Variants in SLC25A26 observed in about 807,000 individuals in gnomAD.
The protein encoded by SLC25A26 is mitochondrial S-adenosylmethionine carrier protein.
In SLC25A26, 36 loss-of-function variants were observed where a neutral mutation model predicts 37.8. That is an observed-to-expected ratio of 0.95 (90% CI 0.73 to 1.26). The LOEUF is 1.26. Ranked by LOEUF, SLC25A26 falls within the 50% of genes most tolerant of loss-of-function variation. The pLI, the probability that SLC25A26 is intolerant of heterozygous loss-of-function variation, is 0.00. For missense variants in SLC25A26, 390 were observed against 331.1 expected (o/e 1.18, Z -1.38); for synonymous variants, 129 against 122.5 (o/e 1.05, Z -0.35).
intron 1 of SLC25A26, among the ~76,000 whole-genome samples, chr3:66,209,742 A>T (rs1181377354): frequency 7.3e-6 from 1 of 136,282 alleles, no homozygotes; most frequent in Non-Finnish European, 1.6e-5. Context: ...ATTGGTATGG[A>T]TATATATATA....
At chr3:66,351,084 A>G (rs1330213825) in intron 6 of SLC25A26, among the ~76,000 whole-genome samples, 1 of 151,976 alleles carries the variant, frequency 6.6e-6, no homozygotes, top group East Asian at 1.9e-4. Flanking sequence ...GTGCCTGTCT[A>G]CTCTGAGCTG....
At chr3:66,221,505 C>T (rs148500428) in intron 1 of SLC25A26, among the ~76,000 whole-genome samples, 7,035 of 152,162 alleles carry the variant, frequency 0.046, 553 homozygotes, top group African/African-American at 0.16. Flanking sequence ...TTACTCACAT[C>T]GCTCCCAGCC....
rs1234116446 is a variant in SLC25A26, at chr3:66,213,471, AT to A, written c.-353-7263del. Among the ~76,000 whole-genome samples, 855 of 149,152 alleles carry A rather than the reference AT, an allele frequency of 5.7e-3. 11 individuals carry two copies. Among genetic ancestry groups the A allele is most frequent in the African/African-American group, 0.02 (820 of 40,608 alleles). ...TTTTAAAATATATATATTTAATGTAATTTTTTTTAGAGAAATTTTATAGTCA... is the reference window on the plus strand; with the variant it reads ...TTTTAAAATATATATATTTAATGTAATTTTTTTAGAGAAATTTTATAGTCA... On this transcript the variant is annotated intron_variant, in intron 1 of 10. Transcript: ENST00000676754.
At chr3:66,183,034 C>G (rs1005439623) in intron 1 of SLC25A26, among the ~76,000 whole-genome samples, 1 of 152,106 alleles carries the variant, frequency 6.6e-6, no homozygotes, top group Admixed American at 6.5e-5. Flanking sequence ...ATAAATAATG[C>G]ACCTCTAAGG....
intron 5 of SLC25A26, among the ~76,000 whole-genome samples, chr3:66,286,712 C>T (rs1559657767): frequency 6.6e-6 from 1 of 152,086 alleles, no homozygotes; most frequent in Admixed American, 6.6e-5. Context: ...AAGGGTGTTG[C>T]TCTGCCACCA....
intron 5 of SLC25A26, among the ~76,000 whole-genome samples, chr3:66,321,525 C>G (rs2075693333): frequency 1.3e-5 from 2 of 152,060 alleles, no homozygotes; most frequent in Non-Finnish European, 2.9e-5. Context: ...TATAAACCAT[C>G]ATGCTTAGCA....
intron 1 of SLC25A26, among the ~76,000 whole-genome samples, chr3:66,146,692 A>T (rs927670820): frequency 2.6e-5 from 4 of 152,164 alleles, no homozygotes; most frequent in Admixed American, 6.5e-5. Flanking sequence ...GGATTTTTTT[A>T]AAAATTTCAA....
chr3:66,342,886 A>G (rs2107723882), intron 5 of SLC25A26, among the ~76,000 whole-genome samples: 1 of 152,280 alleles, frequency 6.6e-6, no homozygotes, highest in East Asian at 1.9e-4. Context: ...GGTCTTAACA[A>G]CCTTATTCAA....
chr3:66,301,578 A>G (rs1476765199), intron 5 of SLC25A26, among the ~76,000 whole-genome samples: 1 of 152,262 alleles, frequency 6.6e-6, no homozygotes, highest in Non-Finnish European at 1.5e-5. Flanking sequence ...TACTAGGCCA[A>G]CATAATTTAT....
intron 1 of SLC25A26, among the ~76,000 whole-genome samples, chr3:66,229,290 A>G (rs782291154): frequency 6.6e-6 from 1 of 152,158 alleles, no homozygotes; most frequent in Admixed American, 6.5e-5. Context: ...TCCCTGTTTC[A>G]TGTGTCAAGA....
At chr3:66,246,901 G>A (rs543903059) in intron 3 of SLC25A26, among the ~76,000 whole-genome samples, 2 of 152,106 alleles carry the variant, frequency 1.3e-5, no homozygotes, top group South Asian at 2.1e-4. Flanking sequence ...TTGCTCTTTC[G>A]CCCATGCTGG....
chr3:66,208,673 T>TAC (rs1444719703), intron 1 of SLC25A26, among the ~76,000 whole-genome samples: 63 of 146,124 alleles, frequency 4.3e-4, no homozygotes, highest in African/African-American at 1.5e-3. Context: ...TATATATATA[T>TAC]ATATACACAT....
chr3:66,208,681 C>CATTTATATGGGTATATATATATACAT (rs2071214470), intron 1 of SLC25A26, among the ~76,000 whole-genome samples: 1 of 117,704 alleles, frequency 8.5e-6, no homozygotes, highest in Non-Finnish European at 1.9e-5. Context: ...TATATATACA[C>CATTTATATGGGTATATATATATACAT]ATTTATATGG....
chr3:66,303,851 C>T (rs1285764296), intron 5 of SLC25A26, among the ~76,000 whole-genome samples: 4 of 152,182 alleles, frequency 2.6e-5, no homozygotes, highest in East Asian at 3.9e-4. Context: ...GGTCCTCTTC[C>T]AAATGCACAG....
chr3:66,256,732 C>T (rs965483932), intron 3 of SLC25A26, among the ~76,000 whole-genome samples: 2 of 152,054 alleles, frequency 1.3e-5, no homozygotes, highest in Non-Finnish European at 1.5e-5. Context: ...CCTTTCTCTA[C>T]TAAAAGATGA....
intron 5 of SLC25A26, among the ~76,000 whole-genome samples, chr3:66,276,637 T>G (rs1245184266): frequency 6.6e-6 from 1 of 152,084 alleles, no homozygotes; most frequent in Non-Finnish European, 1.5e-5. Flanking sequence ...TCTGTCCTTT[T>G]TTGTTCCCTG....
chr3:66,307,127 T>C (rs1270465531), intron 5 of SLC25A26, among the ~76,000 whole-genome samples: 1 of 152,246 alleles, frequency 6.6e-6, no homozygotes, highest in Non-Finnish European at 1.5e-5. Flanking sequence ...CCACCAACAG[T>C]GTGAAGGTGT....
chr3:66,172,102 A>T (rs2070508034), intron 1 of SLC25A26, among the ~76,000 whole-genome samples: 1 of 152,128 alleles, frequency 6.6e-6, no homozygotes, highest in Non-Finnish European at 1.5e-5. Flanking sequence ...TAGAAACTCA[A>T]TCAAATTGGA....
intron 1 of SLC25A26, among the ~76,000 whole-genome samples, chr3:66,197,526 TAGGTTA>T (rs2071061360): frequency 6.6e-6 from 1 of 151,790 alleles, no homozygotes; most frequent in Non-Finnish European, 1.5e-5. Context: ...GGGTCAGGGT[TAGGTTA>T]AGGATAAGGA....
Sources: gnomAD v4.1 joint callset for allele counts (sites outside exome capture counted in the v4.1 genomes callset) on GRCh38, gnomAD v4.1.1 for gene constraint, MANE v1.5 for transcripts, NCBI Gene and HGNC (gene_info 2026-07-23, HGNC 2026-07-21) for gene names.